Variants in COL27A1 observed in about 807,000 individuals in gnomAD.
COL27A1 encodes the protein collagen type XXVII alpha 1 chain.
COL27A1 carries 106 observed loss-of-function variants against 251.3 expected under a neutral mutation model. That is an observed-to-expected ratio of 0.42 (90% CI 0.36 to 0.50). The LOEUF is 0.50. Ranked by LOEUF, COL27A1 falls within the 20% of genes least tolerant of loss-of-function variation. COL27A1 has a pLI of 0.00. For synonymous variants in COL27A1, 1,000 were observed against 986.3 expected, an observed-to-expected ratio of 1.01 and a Z score of -0.26; for missense variants, 2,325 against 2,522.8, an observed-to-expected ratio of 0.92 and a Z score of 1.68.
intron 19 of COL27A1, among the ~76,000 whole-genome samples, chr9:114,238,834 G>A (rs751972406): frequency 3.9e-5 from 6 of 152,174 alleles, no homozygotes; most frequent in Non-Finnish European, 8.8e-5. Context: ...TCCTCGAGAT[G>A]AGAACTTGCT....
intron 37 of COL27A1, among the ~76,000 whole-genome samples, chr9:114,278,454 GA>G (rs1564562770): frequency 3.5e-5 from 5 of 141,062 alleles, no homozygotes; most frequent in Non-Finnish European, 7.5e-5. Context: ...ATGGGGCACT[GA>G]TGATGGTGGT....
At chr9:114,309,516 G>A (rs1829303451) in intron 60 of COL27A1, 38 bp downstream of exon 60, 2 of 1,537,268 alleles carry the variant, frequency 1.3e-6, no homozygotes, top group East Asian at 2.3e-5. Flanking sequence ...TTCATGTGGG[G>A]ACAACTGGAA....
chr9:114,250,299 C>T (rs555374357), intron 24 of COL27A1, among the ~76,000 whole-genome samples: 1 of 152,346 alleles, frequency 6.6e-6, no homozygotes, highest in East Asian at 1.9e-4. Flanking sequence ...GCTTAAGCCA[C>T]CCCCCGCCCA....
At chr9:114,221,155 C>T (rs1831081281) in intron 13 of COL27A1, among the ~76,000 whole-genome samples, 1 of 152,066 alleles carries the variant, frequency 6.6e-6, no homozygotes, top group Non-Finnish European at 1.5e-5. Context: ...CCTCCTCTGT[C>T]ACACAACAGG....
intron 28 of COL27A1, 79 bp downstream of exon 28, chr9:114,258,673 C>A: frequency 6.9e-7 from 1 of 1,448,686 alleles, no homozygotes; most frequent in Non-Finnish European, 9.6e-7. Flanking sequence ...CCAGAGACTG[C>A]CTGGGCTTTG....
In COL27A1 at chr9:114,169,065, C is replaced by G. The variant is rs1455258725; in HGVS notation, c.1510C>G (p.Pro504Ala). The change falls in exon 3 of 61, where the codon CCA becomes GCA. Residue 504 changes from proline to alanine, a missense_variant. Physicochemically the swap from Pro to Ala is conservative, Grantham distance 27 (BLOSUM62 -1). Transcript: ENST00000356083. ...TPGSTRSTRP[P>A]ATMVPPTSGT... The stretch of plus-strand genomic sequence containing the variant: ...TGGTTCTACCAGGAGTACTCGGCCA[C>G]CAGCCACGATGGTACCTCCAACTTC... The G allele has an allele frequency of 3.1e-6, 5 of 1,613,934 alleles. No individual in the cohort carries two copies. Among genetic ancestry groups the G allele is most frequent in the Non-Finnish European group, 4.2e-6 (5 of 1,179,938 alleles).
chr9:114,310,576 C>T lies in COL27A1; in HGVS notation c.5464C>T (p.Leu1822Phe). Reference sequence around the variant, plus strand: ...CCAAGATGGCCGCTGGCATCAGACACTCTTCACCTTCCGGACCCAAGACCC... The same window carrying T: ...CCAAGATGGCCGCTGGCATCAGACATTCTTCACCTTCCGGACCCAAGACCC... Reference protein sequence around the residue: ...KVQDGRWHQTLFTFRTQDPQQ... With the variant: ...KVQDGRWHQTFFTFRTQDPQQ... The change falls in exon 61 of 61, where the codon CTC becomes TTC. Residue 1822 changes from leucine to phenylalanine, a missense_variant. Physicochemically the swap from Leu to Phe is conservative, Grantham distance 22 (BLOSUM62 0). Around this residue, in one of 4 missense-constraint regions of COL27A1, gnomAD observed 327 missense variants for 442.8 expected, o/e 0.74. Coordinates refer to ENST00000356083, the MANE Select transcript of COL27A1 (RefSeq NM_032888.4). 1 of 1,614,208 alleles carries T rather than the reference C, an allele frequency of 6.2e-7. No individual in the cohort carries two copies. Among genetic ancestry groups the T allele is most frequent in the Non-Finnish European group, 8.5e-7 (1 of 1,180,044 alleles).
chr9:114,294,199 G>A (rs1588886537), intron 49 of COL27A1, among the ~76,000 whole-genome samples: 1 of 139,436 alleles, frequency 7.2e-6, no homozygotes, highest in African/African-American at 2.7e-5. Flanking sequence ...AGTGAGCCAA[G>A]ATCGTGCCAT....
At chr9:114,275,843 G>A (rs1835467605) in intron 37 of COL27A1, 75 bp downstream of exon 37, 1 of 977,572 alleles carries the variant, frequency 1.0e-6, no homozygotes, top group Non-Finnish European at 1.5e-6. Flanking sequence ...AGGCGGCTGG[G>A]CGGGAGGGCT....
At chr9:114,244,945 G>A (rs1195493074) in intron 23 of COL27A1, among the ~76,000 whole-genome samples, 1 of 152,144 alleles carries the variant, frequency 6.6e-6, no homozygotes, top group Non-Finnish European at 1.5e-5. Context: ...GTGGGACAGA[G>A]CCTTGAAGAC....
chr9:114,301,111 C>G lies in COL27A1; in HGVS notation c.4741C>G (p.Pro1581Ala), dbSNP rs150497649. ...GIVGPLGILG[P>A]SGLPGPKGDK... ...CGTCGGGCCCCTCGGAATCCTGGGA[C>G]CTTCGGGACTCCCGGTATGTGTGGG... The change falls in exon 52 of 61, where the codon CCT becomes GCT. Residue 1581 changes from proline to alanine, a missense_variant. Physicochemically the swap from Pro to Ala is conservative, Grantham distance 27. Around this residue, in one of 4 missense-constraint regions of COL27A1, gnomAD observed 327 missense variants for 442.8 expected, o/e 0.74. Coordinates refer to ENST00000356083, the MANE Select transcript of COL27A1 (RefSeq NM_032888.4). 2 of 1,613,376 alleles carry G rather than the reference C, an allele frequency of 1.2e-6. No individual in the cohort carries two copies. The highest frequency in any genetic ancestry group is 2.2e-5 in the East Asian group (1 of 44,884).
chr9:114,174,106 TA>T (rs1456632798), intron 3 of COL27A1, among the ~76,000 whole-genome samples: 4 of 152,052 alleles, frequency 2.6e-5, no homozygotes, highest in African/African-American at 9.7e-5. Flanking sequence ...GCCTCCTAAG[TA>T]CCTGGGATTA....
intron 24 of COL27A1, among the ~76,000 whole-genome samples, chr9:114,247,589 G>C (rs554635387): frequency 6.6e-6 from 1 of 152,330 alleles, no homozygotes; most frequent in East Asian, 1.9e-4. Context: ...GGCCCAGGAG[G>C]GGTGGGAACC....
intron 1 of COL27A1, among the ~76,000 whole-genome samples, chr9:114,158,628 C>T (rs970004839): frequency 6.6e-6 from 1 of 152,164 alleles, no homozygotes; most frequent in Non-Finnish European, 1.5e-5. Context: ...TCTGGAAGAA[C>T]AAAGCCCTGA....
At chr9:114,233,026 G>A (rs1229430984) in intron 16 of COL27A1, among the ~76,000 whole-genome samples, 6 of 152,150 alleles carry the variant, frequency 3.9e-5, no homozygotes, top group Non-Finnish European at 7.4e-5. Context: ...AGCCAAGATC[G>A]TGCCACTGCA....
intron 50 of COL27A1, chr9:114,300,381 A>T: frequency 1.7e-6 from 1 of 587,754 alleles, no homozygotes; most frequent in Non-Finnish European, 3.0e-6. Flanking sequence ...AAATGGGAGC[A>T]ATGACAGTAG....
In COL27A1 at chr9:114,306,614, C is replaced by G; in HGVS notation, c.5033C>G (p.Thr1678Arg). The change falls in exon 58 of 61, where the codon ACG becomes AGG. Residue 1678 changes from threonine (T) to arginine (R), a missense_variant. Physicochemically the swap from Thr to Arg is moderately conservative, Grantham distance 71. Around this residue, in one of 4 missense-constraint regions of COL27A1, gnomAD observed 327 missense variants for 442.8 expected, o/e 0.74. Coordinates refer to ENST00000356083, the MANE Select transcript of COL27A1 (RefSeq NM_032888.4). Reference protein sequence around the residue: ...YLSNLIQSIKTPLGTKENPAR... With the variant: ...YLSNLIQSIKRPLGTKENPAR... Reference sequence around the variant, plus strand: ...AGCAACCTCATCCAGAGCATTAAGACGCCCCTGGGCACCAAAGAGAACCCC... The same window carrying G: ...AGCAACCTCATCCAGAGCATTAAGAGGCCCCTGGGCACCAAAGAGAACCCC... 6.2e-7 allele frequency: 1 copy of G among 1,614,148 alleles called. No homozygotes were observed. Among genetic ancestry groups the G allele is most frequent in the South Asian group, 1.1e-5 (1 of 91,080 alleles).
At chr9:114,267,865 A>G (rs915762095) in intron 34 of COL27A1, among the ~76,000 whole-genome samples, 2 of 152,296 alleles carry the variant, frequency 1.3e-5, no homozygotes, top group African/African-American at 4.8e-5. Context: ...CTGCTGAGAA[A>G]CAGGTGCCCA....
intron 4 of COL27A1, among the ~76,000 whole-genome samples, chr9:114,182,557 TG>T (rs1828014656): frequency 6.6e-6 from 1 of 151,398 alleles, no homozygotes; most frequent in African/African-American, 2.4e-5. Context: ...ACCAGATACG[TG>T]GGAGGGAAAT....
Sources: gnomAD v4.1 joint callset for allele counts (sites outside exome capture counted in the v4.1 genomes callset) on GRCh38, gnomAD v4.1.1 for gene constraint, gnomAD v4.1.1 regional missense constraint, MANE v1.5 for transcripts, NCBI Gene and HGNC (gene_info 2026-07-23, HGNC 2026-07-21) for gene names.